The following HDX variants were observed in gnomAD, a reference collection of about 807,000 sequenced individuals.
HDX encodes the protein chromosome X open reading frame 43.
In HDX, 19 loss-of-function variants were observed where a neutral mutation model predicts 45.2. The observed-to-expected ratio is 0.42, with a 90% CI of 0.29 to 0.62. The LOEUF is 0.62. HDX is among the 20% of genes least tolerant of loss of function. The pLI is 0.20. For synonymous variants in HDX, 188 were observed against 172.8 expected (o/e 1.09, Z -0.69); for missense variants, 532 against 493.9 (o/e 1.08, Z -0.73).
At chrX:84,412,045 C>G (rs2038999573) in intron 5 of HDX, among the ~76,000 whole-genome samples, 1 of 111,334 alleles carries the variant, frequency 9.0e-6, no homozygotes, top group African/African-American at 3.3e-5. Context: ...TTTCTTTGAG[C>G]CTATGGGTGT....
chrX:84,419,913 TA>T (rs763232838), intron 5 of HDX, among the ~76,000 whole-genome samples: 1 of 111,793 alleles, frequency 8.9e-6, no homozygotes, highest in African/African-American at 3.3e-5. Context: ...GCCCAGGACT[TA>T]AAGGCAGTAC....
intron 5 of HDX, among the ~76,000 whole-genome samples, chrX:84,381,884 C>T (rs150373661): frequency 6.3e-5 from 7 of 110,284 alleles, no homozygotes; most frequent in South Asian, 3.9e-4. Context: ...ATCTTCTGCA[C>T]GACAAAGAAA....
At chrX:84,429,147 G>T (rs1030495176) in intron 5 of HDX, among the ~76,000 whole-genome samples, 3 of 110,543 alleles carry the variant, frequency 2.7e-5, no homozygotes, top group Non-Finnish European at 5.7e-5. Context: ...TTTTTTCAAA[G>T]TTGTTTTGGC....
chrX:84,430,455 T>C (rs1404139529), intron 5 of HDX, among the ~76,000 whole-genome samples: 2 of 111,299 alleles, frequency 1.8e-5, no homozygotes, highest in African/African-American at 6.5e-5. Context: ...ATCTTGGCTA[T>C]TGTGAATTAG....
intron 6 of HDX, among the ~76,000 whole-genome samples, chrX:84,349,508 T>G (rs1329677827): frequency 1.0e-5 from 1 of 96,979 alleles, no homozygotes; most frequent in African/African-American, 3.8e-5. Flanking sequence ...GTTACATATA[T>G]GTATAAATGT....
At chrX:84,374,670 C>T (rs1280543021) in intron 5 of HDX, among the ~76,000 whole-genome samples, 65 of 109,019 alleles carry the variant, frequency 6.0e-4, no homozygotes, top group Non-Finnish European at 1.0e-3. Context: ...ATAAATGGTG[C>T]TGGGAAAACT....
intron 1 of HDX, among the ~76,000 whole-genome samples, 156 bp from the exon 2 acceptor site, chrX:84,488,288 A>G (rs2040832785): frequency 9.3e-6 from 1 of 107,583 alleles, no homozygotes; most frequent in African/African-American, 3.4e-5. Context: ...CTGAAGAGCA[A>G]TACTTTTGGG....
At chrX:84,422,856 G>T (rs1569333050) in intron 5 of HDX, among the ~76,000 whole-genome samples, 1 of 108,123 alleles carries the variant, frequency 9.2e-6, no homozygotes, top group Non-Finnish European at 1.9e-5. Flanking sequence ...TTTTAGTAGA[G>T]ATGGGGTTTC....
intron 1 of HDX, among the ~76,000 whole-genome samples, chrX:84,493,033 C>T (rs1398803129): frequency 9.0e-6 from 1 of 110,582 alleles, no homozygotes; most frequent in Non-Finnish European, 1.9e-5. Context: ...CTGCCTCAGC[C>T]TCCGAGTAGC....
intron 5 of HDX, among the ~76,000 whole-genome samples, chrX:84,402,772 G>A (rs1002141545): frequency 9.0e-6 from 1 of 111,294 alleles, no homozygotes; most frequent in Non-Finnish European, 1.9e-5. Context: ...CTTCCAAAGT[G>A]GCTGTACTAT....
chrX:84,480,211 C>A (rs2040648082), intron 2 of HDX, among the ~76,000 whole-genome samples: 1 of 111,516 alleles, frequency 9.0e-6, no homozygotes, highest in Non-Finnish European at 1.9e-5. Flanking sequence ...TTGTATTCTG[C>A]AACTTTACTA....
Position 84,333,849 on chromosome X carries a change from C to T in HDX, c.1741-7G>A. 2 of 797,717 alleles carry T rather than the reference C, an allele frequency of 2.5e-6. No individual in the cohort carries two copies. Among genetic ancestry groups the T allele is most frequent in the Non-Finnish European group, 3.7e-6 (2 of 537,304 alleles). 65.7% of individuals were successfully genotyped at this position (797,717 alleles called of 1,213,427 possible). ...CATCAATAATTTCTATTTTCTGTAA[C>T]ACAAGTAGAGAAGTTACAAATATAT... On this transcript the variant is annotated splice_polypyrimidine_tract_variant and splice_region_variant and intron_variant, in intron 8 of 10. Transcript: ENST00000373177.
intron 2 of HDX, among the ~76,000 whole-genome samples, chrX:84,477,111 C>T (rs889979811): frequency 9.1e-6 from 1 of 110,226 alleles, no homozygotes; most frequent in African/African-American, 3.3e-5. Flanking sequence ...GGTTTCTTTT[C>T]CTAAATGGTT....
chrX:84,369,951 G>T (rs2147871743), intron 5 of HDX, among the ~76,000 whole-genome samples: 1 of 112,001 alleles, frequency 8.9e-6, no homozygotes, highest in South Asian at 3.7e-4. Flanking sequence ...CAATTTGACT[G>T]GGCTAAGGGG....
At chrX:84,430,148 A>G (rs1602440624) in intron 5 of HDX, among the ~76,000 whole-genome samples, 1 of 110,912 alleles carries the variant, frequency 9.0e-6, no homozygotes, top group East Asian at 2.8e-4. Context: ...GTCTCCTTTA[A>G]CAAATCTCTT....
chrX:84,354,812 C>T (rs1047139625), intron 6 of HDX, among the ~76,000 whole-genome samples: 1 of 105,019 alleles, frequency 9.5e-6, no homozygotes, highest in East Asian at 3.0e-4. Context: ...ATAGGGTGAT[C>T]TATATTTTTA....
intron 5 of HDX, among the ~76,000 whole-genome samples, chrX:84,399,526 C>T (rs112701118): frequency 0.25 from 27,608 of 109,732 alleles, 2,645 homozygotes; most frequent in Non-Finnish European, 0.3. Context: ...GAAATCTATT[C>T]CCTGAATAGA....
At chrX:84,336,973 A>G in intron 7 of HDX, 93 bp from the exon 8 acceptor site, 3 of 551,392 alleles carry the variant, frequency 5.4e-6, no homozygotes, top group Non-Finnish European at 8.5e-6. Context: ...TCTCTATTAT[A>G]AAAAGACACA....
chrX:84,488,537 C>G (rs2040838835), intron 1 of HDX, among the ~76,000 whole-genome samples: 1 of 110,854 alleles, frequency 9.0e-6, no homozygotes, highest in Non-Finnish European at 1.9e-5. Flanking sequence ...AAAATAAATG[C>G]TTCATGTTTA....
Sources: gnomAD v4.1 joint callset for allele counts (sites outside exome capture counted in the v4.1 genomes callset) on GRCh38, gnomAD v4.1.1 for gene constraint, MANE v1.5 for transcripts, NCBI Gene and HGNC (gene_info 2026-07-23, HGNC 2026-07-21) for gene names.